The following LYPD6B variants were observed in gnomAD, a reference collection of about 807,000 sequenced individuals.
The protein encoded by LYPD6B is ly6/PLAUR domain-containing protein 6B.
Under a neutral mutation model 22.8 loss-of-function variants are expected in LYPD6B, and 17 were observed. That is an observed-to-expected ratio of 0.75 (90% CI 0.51 to 1.12). The LOEUF (loss-of-function observed/expected upper bound fraction) is 1.12. LYPD6B is among the 50% of genes most tolerant of loss of function. The pLI is 0.00. For synonymous variants in LYPD6B, 106 were observed against 91.6 expected (o/e 1.16, Z -0.90); for missense variants, 221 against 258.3 (o/e 0.86, Z 0.99).
Position 149,087,816 on chromosome 2 carries a change from A to T in LYPD6B, c.-66-43067A>T, listed in dbSNP as rs115162255. 3.7e-3 allele frequency among the ~76,000 whole-genome samples: 563 copies of T among 152,294 alleles called. 3 individuals carry two copies. Among genetic ancestry groups the T allele is most frequent in the African/African-American group, 0.013 (531 of 41,574 alleles). On this transcript the variant is annotated intron_variant, in intron 1 of 6. Coordinates refer to ENST00000409642, the MANE Select transcript of LYPD6B (RefSeq NM_177964.5). ...TGGGCCCTATGCCGTGCATCTACTG[A>T]ATCAGAGCCTATGTAAACAGAGTCC... is the stretch of plus-strand genomic sequence containing the variant.
intron 1 of LYPD6B, among the ~76,000 whole-genome samples, chr2:149,040,256 C>G (rs1329191192): frequency 4.6e-5 from 7 of 150,592 alleles, no homozygotes; most frequent in Non-Finnish European, 1.0e-4. Flanking sequence ...GACTCTCACT[C>G]TGTCACCCAG....
intron 1 of LYPD6B, among the ~76,000 whole-genome samples, chr2:149,100,869 T>A (rs1397172976): frequency 6.6e-6 from 1 of 152,208 alleles, no homozygotes; most frequent in Non-Finnish European, 1.5e-5. Context: ...AAACAAATTT[T>A]TAAAAATCTG....
chr2:149,149,184 A>G (rs1689212474), intron 2 of LYPD6B, among the ~76,000 whole-genome samples: 1 of 152,168 alleles, frequency 6.6e-6, no homozygotes, highest in South Asian at 2.1e-4. Context: ...CACCATTAAA[A>G]GTAATGGCAA....
intron 3 of LYPD6B, among the ~76,000 whole-genome samples, chr2:149,182,863 A>G (rs1053116337): frequency 2.6e-5 from 4 of 152,256 alleles, no homozygotes; most frequent in South Asian, 2.1e-4. Context: ...AATACTTTCC[A>G]TGAGAAAATG....
intron 3 of LYPD6B, among the ~76,000 whole-genome samples, chr2:149,175,057 C>CTGTGTGTGTG (rs1480516583): frequency 5.5e-4 from 70 of 127,468 alleles, no homozygotes; most frequent in African/African-American, 1.9e-3. Flanking sequence ...CTCTCTCTCT[C>CTGTGTGTGTG]TCTCTGTGTG....
At chr2:149,174,368 C>T (rs531870110) in intron 3 of LYPD6B, among the ~76,000 whole-genome samples, 31 of 152,252 alleles carry the variant, frequency 2.0e-4, no homozygotes, top group South Asian at 1.0e-3. Flanking sequence ...ATTTGAATAC[C>T]ATTTATTTCT....
chr2:149,086,028 G>A (rs1465078154), intron 1 of LYPD6B, among the ~76,000 whole-genome samples: 1 of 152,138 alleles, frequency 6.6e-6, no homozygotes, highest in Non-Finnish European at 1.5e-5. Context: ...AAAATCCAGA[G>A]CATTGCCAGG....
At chr2:149,073,962 G>C (rs895734715) in intron 1 of LYPD6B, among the ~76,000 whole-genome samples, 1 of 152,116 alleles carries the variant, frequency 6.6e-6, no homozygotes, top group African/African-American at 2.4e-5. Flanking sequence ...GGGGAAGGAA[G>C]CCTCAACAGA....
At chr2:149,075,434 C>A (rs1684838117) in intron 1 of LYPD6B, among the ~76,000 whole-genome samples, 2 of 152,044 alleles carry the variant, frequency 1.3e-5, no homozygotes, top group South Asian at 4.2e-4. Flanking sequence ...ACATTTCTGG[C>A]CAATTTAGAC....
At chr2:149,069,294 C>G (rs1276719959) in intron 1 of LYPD6B, among the ~76,000 whole-genome samples, 3 of 152,150 alleles carry the variant, frequency 2.0e-5, no homozygotes, top group African/African-American at 7.2e-5. Context: ...ATCCATGTAA[C>G]ATAATAACTA....
chr2:149,207,533 A>G (rs1328141321), intron 4 of LYPD6B, among the ~76,000 whole-genome samples: 1 of 152,040 alleles, frequency 6.6e-6, no homozygotes, highest in African/African-American at 2.4e-5. Context: ...GAAAAAAAAA[A>G]GGCATAAAGA....
intron 3 of LYPD6B, among the ~76,000 whole-genome samples, chr2:149,195,844 T>C (rs1692774812): frequency 6.6e-6 from 1 of 152,204 alleles, no homozygotes; most frequent in African/African-American, 2.4e-5. Context: ...CTCTCTGCAA[T>C]ATAGGTATTT....
intron 3 of LYPD6B, among the ~76,000 whole-genome samples, chr2:149,177,272 G>T (rs1245854983): frequency 1.3e-5 from 2 of 152,160 alleles, no homozygotes; most frequent in African/African-American, 4.8e-5. Context: ...CTACTCATTT[G>T]GTGGGGAAAT....
In LYPD6B at chr2:149,089,480, T is replaced by G. The variant is rs1045154802; in HGVS notation, c.-66-41403T>G. ...CTAAGCTCTTTAATCTAGTAATGTT[T>G]TCTTCCATTCCTTTTTATGCTTAAT... On this transcript the variant is annotated intron_variant, in intron 1 of 6. Transcript: ENST00000409642. Among the ~76,000 whole-genome samples the G allele has an allele frequency of 1.1e-4, 16 of 152,338 alleles. No individual in the cohort carries two copies. In the Middle Eastern group the frequency reaches 0.014, roughly 130 times the overall value.
chr2:149,070,596 A>C (rs964846702), intron 1 of LYPD6B, among the ~76,000 whole-genome samples: 1 of 152,184 alleles, frequency 6.6e-6, no homozygotes, highest in Non-Finnish European at 1.5e-5. Context: ...GGGAAGGAAG[A>C]AAGGTTGTGA....
At chr2:149,124,188 C>T (rs925558276) in intron 1 of LYPD6B, among the ~76,000 whole-genome samples, 1 of 152,202 alleles carries the variant, frequency 6.6e-6, no homozygotes, top group African/African-American at 2.4e-5. Flanking sequence ...TTTAATTCCT[C>T]ACTGCACTAA....
chr2:149,161,673 A>G (rs966351179), intron 3 of LYPD6B, among the ~76,000 whole-genome samples: 1 of 152,186 alleles, frequency 6.6e-6, no homozygotes, highest in Admixed American at 6.5e-5. Flanking sequence ...CCTGTCAAAC[A>G]GGCCTCCCAC....
At chr2:149,181,287 G>A (rs902161715) in intron 3 of LYPD6B, among the ~76,000 whole-genome samples, 2 of 152,088 alleles carry the variant, frequency 1.3e-5, no homozygotes, top group East Asian at 1.9e-4. Flanking sequence ...TGGAGACGGC[G>A]TATCTTATAG....
chr2:149,059,684 C>G (rs530395199), intron 1 of LYPD6B, among the ~76,000 whole-genome samples: 2 of 152,196 alleles, frequency 1.3e-5, no homozygotes, highest in East Asian at 3.9e-4. Context: ...ACCCTGCTGA[C>G]CCTGGGCTGA....
Sources: gnomAD v4.1 joint callset for allele counts (sites outside exome capture counted in the v4.1 genomes callset) on GRCh38, gnomAD v4.1.1 for gene constraint, MANE v1.5 for transcripts, NCBI Gene and HGNC (gene_info 2026-07-23, HGNC 2026-07-21) for gene names.